The following ZNF821 variants were observed in gnomAD, a reference collection of about 807,000 sequenced individuals.
ZNF821 encodes the protein zinc finger protein 821.
A neutral mutation model predicts 44.3 loss-of-function variants in ZNF821; 16 were observed. The ratio of observed to expected loss-of-function variants is 0.36; its 90% confidence interval spans 0.24 to 0.55. The LOEUF is 0.55. ZNF821 is among the 20% of genes least tolerant of loss of function. The pLI is 0.86. For missense variants in ZNF821, 436 were observed against 547.6 expected (o/e 0.80, Z 2.03); for synonymous variants, 204 against 197.6 (o/e 1.03, Z -0.27).
rs914672802 is a variant in ZNF821, at chr16:71,894,669, G to A, written n.448+220C>T. 1.1e-5 allele frequency: 6 copies of A among 550,924 alleles called. No homozygotes were observed. The East Asian group carries it at 1.9e-4, about 17-fold the overall frequency. 34.1% of individuals were successfully genotyped at this position (550,924 alleles called of 1,614,324 possible). ...GCCTCCCGAGTAGCTGAGACCACAA[G>A]TGCTCACTGCTGCTCCCCTAATTTT... On this transcript the variant is annotated intron_variant and non_coding_transcript_variant, in intron 1 of 2. Coordinates refer to the ZNF821 transcript ENST00000561700.
At chr16:71,893,329 T>A (rs1388384011) in intron 1 of ZNF821, among the ~76,000 whole-genome samples, 2 of 142,448 alleles carry the variant, frequency 1.4e-5, no homozygotes, top group African/African-American at 5.3e-5. Context: ...GCCCGGCCAA[T>A]TTTTTGTATT....
Position 71,859,949 on chromosome 16 carries a change from G to C in ZNF821, c.*69C>G. On this transcript the variant is annotated 3_prime_UTR_variant, in exon 8 of 8. Coordinates refer to ENST00000425432, the MANE Select transcript of ZNF821 (RefSeq NM_001201552.2). The stretch of plus-strand genomic sequence containing the variant: ...GGCCTCGTGGGTGGCAGCAGCACTG[G>C]TCCTCGTGGCTGTGGGTGTGGGTGG... 6.9e-7 allele frequency: 1 copy of C among 1,456,370 alleles called. No homozygotes were observed. Among genetic ancestry groups the C allele is most frequent in the Non-Finnish European group, 9.1e-7 (1 of 1,104,106 alleles). 90.2% of individuals were successfully genotyped at this position (1,456,370 alleles called of 1,614,324 possible).
chr16:71,895,117 A>T (rs1345007210), exon 1 of ZNF821: 1 of 334,254 alleles, frequency 3.0e-6, no homozygotes, highest in African/African-American at 2.2e-5. Context: ...AAGTCCAGCG[A>T]AAGGCGGCAG....
chr16:71,881,301 T>C (rs2036398386), intron 2 of ZNF821: 1 of 152,168 alleles, frequency 6.6e-6, no homozygotes, highest in South Asian at 2.1e-4. Flanking sequence ...TATAATCAGA[T>C]CCTGCCTCCC....
intron 3 of ZNF821, among the ~76,000 whole-genome samples, chr16:71,874,279 T>C (rs544465811): frequency 2.6e-5 from 4 of 151,964 alleles, no homozygotes; most frequent in African/African-American, 9.6e-5. Context: ...TCTTAATATA[T>C]CCCTTTAGGT....
intron 1 of ZNF821, chr16:71,890,761 C>G (rs555351783): frequency 3.0e-5 from 4 of 134,238 alleles, no homozygotes; most frequent in Non-Finnish European, 6.1e-5. Flanking sequence ...CCTCCCCTTC[C>G]TGCTTTTTTT....
chr16:71,867,105 T>C (rs968824493), intron 4 of ZNF821, among the ~76,000 whole-genome samples: 11 of 152,226 alleles, frequency 7.2e-5, no homozygotes, highest in South Asian at 2.1e-4. Context: ...GGAATTGGTA[T>C]GGGAAGACCT....
At chr16:71,878,690 G>C (rs1366100589) in intron 3 of ZNF821, among the ~76,000 whole-genome samples, 2 of 151,982 alleles carry the variant, frequency 1.3e-5, no homozygotes, top group Non-Finnish European at 2.9e-5. Flanking sequence ...AGCACTTTGG[G>C]AGCCCGAGGT....
intron 1 of ZNF821, among the ~76,000 whole-genome samples, chr16:71,890,392 T>G (rs1226799353): frequency 5.5e-4 from 7 of 12,734 alleles, no homozygotes; most frequent in Admixed American, 1.5e-3. Context: ...TCAGCAAACT[T>G]TTTTTTTTTT....
chr16:71,890,330 A>C (rs1189606283), intron 1 of ZNF821, among the ~76,000 whole-genome samples: 3 of 151,742 alleles, frequency 2.0e-5, no homozygotes, highest in Non-Finnish European at 2.9e-5. Context: ...CTCTATGCCC[A>C]TCATCTTTCC....
chr16:71,877,075 T>G (rs1355071354), intron 3 of ZNF821, among the ~76,000 whole-genome samples: 1 of 152,160 alleles, frequency 6.6e-6, no homozygotes, highest in Non-Finnish European at 1.5e-5. Context: ...CTCGTTCCGT[T>G]TTACACTTTT....
chr16:71,866,962 G>A (rs917802800), intron 4 of ZNF821, among the ~76,000 whole-genome samples: 6 of 152,254 alleles, frequency 3.9e-5, no homozygotes, highest in South Asian at 2.1e-4. Context: ...TGGATGAGGT[G>A]GGGAAAGTGC....
intron 3 of ZNF821, among the ~76,000 whole-genome samples, chr16:71,876,249 G>C (rs1054233065): frequency 6.6e-6 from 1 of 152,020 alleles, no homozygotes. Context: ...TGTTGCCCAG[G>C]CTAGAGTGCA....
At chr16:71,871,028 C>A (rs542389887) in intron 3 of ZNF821, among the ~76,000 whole-genome samples, 41 of 152,268 alleles carry the variant, frequency 2.7e-4, no homozygotes, top group African/African-American at 9.6e-4. Flanking sequence ...TAAAAAGACA[C>A]CTAAAAGGAT....
intron 3 of ZNF821, among the ~76,000 whole-genome samples, chr16:71,872,470 C>T (rs930521207): frequency 2.6e-5 from 4 of 151,954 alleles, no homozygotes; most frequent in Admixed American, 6.6e-5. Context: ...AAACATTAGC[C>T]GGCGTGGTGG....
At chr16:71,869,417 C>T (rs191014846) in intron 3 of ZNF821, among the ~76,000 whole-genome samples, 87 of 152,240 alleles carry the variant, frequency 5.7e-4, no homozygotes, top group Non-Finnish European at 1.3e-4. Context: ...ATTCATTCAG[C>T]AAACATTCAT....
chr16:71,883,710 G>A (rs1457488205), intron 1 of ZNF821, 198 bp downstream of exon 1: 1 of 152,306 alleles, frequency 6.6e-6, no homozygotes, highest in African/African-American at 2.4e-5. Context: ...AGAGCGCCAA[G>A]GGGCAGCAGG....
At chr16:71,890,764 C>CTTTTTTTTTT (rs750537169) in intron 1 of ZNF821, 4 of 65,470 alleles carry the variant, frequency 6.1e-5, no homozygotes, top group African/African-American at 2.2e-4. Flanking sequence ...CCCCTTCCTG[C>CTTTTTTTTTT]TTTTTTTTTT....
chr16:71,892,734 CTT>C (rs1177952498), intron 1 of ZNF821, among the ~76,000 whole-genome samples: 10 of 125,258 alleles, frequency 8.0e-5, no homozygotes, highest in Admixed American at 8.1e-5. Flanking sequence ...ACAAACCAGG[CTT>C]TTTTTTTTTT....
Sources: gnomAD v4.1 joint callset for allele counts (sites outside exome capture counted in the v4.1 genomes callset) on GRCh38, gnomAD v4.1.1 for gene constraint, MANE v1.5 for transcripts, NCBI Gene and HGNC (gene_info 2026-07-23, HGNC 2026-07-21) for gene names.